MACROD2: variants seen among roughly 807,000 people sequenced by gnomAD.
The protein encoded by MACROD2 is ADP-ribose glycohydrolase MACROD2.
A neutral mutation model predicts 70.4 loss-of-function variants in MACROD2; 36 were observed. That is an observed-to-expected ratio of 0.51 (90% CI 0.39 to 0.68). The LOEUF is 0.68. Ranked by LOEUF, MACROD2 falls within the 30% of genes least tolerant of loss-of-function variation. The pLI is 0.00. For synonymous variants in MACROD2, 172 were observed against 178.8 expected (o/e 0.96, Z 0.30); for missense variants, 496 against 538.4 (o/e 0.92, Z 0.78).
rs145248350 is a variant in MACROD2 at position 14,830,080 on chromosome 20, A to T, written c.418+145121A>T. Among the ~76,000 whole-genome samples the T allele has an allele frequency of 1.9e-3, 292 of 152,242 alleles. 2 individuals carry two copies. Among genetic ancestry groups the T allele is most frequent in the African/African-American group, 6.5e-3 (269 of 41,550 alleles). The stretch of plus-strand genomic sequence containing the variant: ...AAAAAATGATTCATAACCATTGTTG[A>T]TGCAAATATTACTACTTAAGATGCA... On this transcript the variant is annotated intron_variant, in intron 5 of 17. Coordinates refer to ENST00000684519, the MANE Select transcript of MACROD2 (RefSeq NM_001351661.2).
intron 8 of MACROD2, among the ~76,000 whole-genome samples, chr20:15,592,242 C>T (rs181651559): frequency 3.3e-3 from 498 of 152,324 alleles, no homozygotes; most frequent in Middle Eastern, 6.8e-3. Flanking sequence ...TCAAGTATTT[C>T]GATCCTGGTA....
intron 6 of MACROD2, among the ~76,000 whole-genome samples, chr20:15,361,699 T>G (rs960619525): frequency 6.6e-6 from 1 of 152,210 alleles, no homozygotes; most frequent in African/African-American, 2.4e-5. Flanking sequence ...CACAGTATGC[T>G]TCTTCTGTTT....
chr20:15,929,117 G>A (rs910947732), intron 10 of MACROD2, among the ~76,000 whole-genome samples: 1 of 152,144 alleles, frequency 6.6e-6, no homozygotes, highest in Non-Finnish European at 1.5e-5. Context: ...CTATGGTTCA[G>A]CTGATGTAGG....
intron 3 of MACROD2, among the ~76,000 whole-genome samples, chr20:14,157,768 G>T (rs996620249): frequency 1.3e-5 from 2 of 152,002 alleles, no homozygotes; most frequent in Non-Finnish European, 2.9e-5. Context: ...TTCATTCTTT[G>T]TTATAGCCAA....
chr20:14,119,029 G>C (rs1393628530), intron 3 of MACROD2, among the ~76,000 whole-genome samples: 1 of 151,256 alleles, frequency 6.6e-6, no homozygotes, highest in Non-Finnish European at 1.5e-5. Context: ...TATTTTTTTA[G>C]TAGAGAAGGG....
At chr20:16,009,014 A>G (rs973527417) in intron 15 of MACROD2, among the ~76,000 whole-genome samples, 1 of 151,848 alleles carries the variant, frequency 6.6e-6, no homozygotes, top group African/African-American at 2.4e-5. Flanking sequence ...GAAGAGATGC[A>G]GCTGATCAAG....
chr20:14,611,790 GTAT>G (rs1983187876), intron 4 of MACROD2, among the ~76,000 whole-genome samples: 1 of 151,988 alleles, frequency 6.6e-6, no homozygotes, highest in Non-Finnish European at 1.5e-5. Flanking sequence ...TGAAACTATA[GTAT>G]TATGACTGAA....
At chr20:14,307,044 C>CAT (rs2122505893) in intron 3 of MACROD2, among the ~76,000 whole-genome samples, 1 of 140,598 alleles carries the variant, frequency 7.1e-6, no homozygotes, top group African/African-American at 2.6e-5. Context: ...CACACACACA[C>CAT]ACAATTGACT....
chr20:14,137,067 A>G (rs2054807820), intron 3 of MACROD2, among the ~76,000 whole-genome samples: 1 of 152,124 alleles, frequency 6.6e-6, no homozygotes, highest in Admixed American at 6.5e-5. Flanking sequence ...GCTTACTACA[A>G]AAAGGGGATA....
chr20:15,955,817 A>T (rs1210741791), intron 12 of MACROD2, among the ~76,000 whole-genome samples: 1 of 152,206 alleles, frequency 6.6e-6, no homozygotes, highest in African/African-American at 2.4e-5. Context: ...AAAATTATTG[A>T]TACATGCATC....
At chr20:15,466,858 A>G (rs1307463364) in intron 7 of MACROD2, among the ~76,000 whole-genome samples, 3 of 152,206 alleles carry the variant, frequency 2.0e-5, no homozygotes, top group African/African-American at 2.4e-5. Context: ...GTTTCCCTAG[A>G]GCCTATAAAA....
chr20:14,242,191 A>G (rs1218999146), intron 3 of MACROD2, among the ~76,000 whole-genome samples: 1 of 152,176 alleles, frequency 6.6e-6, no homozygotes, highest in African/African-American at 2.4e-5. Context: ...TCAGTTGTCT[A>G]ATTTAAAATG....
chr20:15,301,347 A>G (rs1018870547), intron 6 of MACROD2, among the ~76,000 whole-genome samples: 3 of 152,316 alleles, frequency 2.0e-5, no homozygotes, highest in Admixed American at 6.5e-5. Context: ...GAGACAGAAG[A>G]GTGAGCCAGC....
chr20:14,106,664 C>A (rs1368004505), intron 3 of MACROD2, among the ~76,000 whole-genome samples: 1 of 152,102 alleles, frequency 6.6e-6, no homozygotes, highest in Admixed American at 6.5e-5. Flanking sequence ...CCAGCATTGT[C>A]CCAGTGGTGG....
At chr20:14,721,000 A>G (rs2071461680) in intron 5 of MACROD2, among the ~76,000 whole-genome samples, 1 of 152,098 alleles carries the variant, frequency 6.6e-6, no homozygotes, top group African/African-American at 2.4e-5. Context: ...CAAGCCTGTA[A>G]TCCCAGCACT....
intron 5 of MACROD2, among the ~76,000 whole-genome samples, chr20:15,157,359 A>ACCCCCCCCCCCCCCCC (rs1568606906): frequency 8.7e-6 from 1 of 115,302 alleles, no homozygotes; most frequent in Non-Finnish European, 1.9e-5. Flanking sequence ...ACCCCCCCCC[A>ACCCCCCCCCCCCCCCC]CCTCCCCCCC....
intron 4 of MACROD2, among the ~76,000 whole-genome samples, chr20:14,550,922 A>C (rs1480173862): frequency 6.6e-6 from 1 of 151,718 alleles, no homozygotes; most frequent in Non-Finnish European, 1.5e-5. Context: ...CTGCTTCCTC[A>C]TGAATTTCAT....
chr20:15,451,423 A>AAAT (rs1300158140), intron 7 of MACROD2, among the ~76,000 whole-genome samples: 7 of 127,894 alleles, frequency 5.5e-5, no homozygotes, highest in Non-Finnish European at 1.0e-4. Flanking sequence ...TAAATAAAAA[A>AAAT]AAAAAAAAAA....
At chr20:14,095,432 C>G (rs1025892864) in intron 3 of MACROD2, among the ~76,000 whole-genome samples, 7 of 152,010 alleles carry the variant, frequency 4.6e-5, no homozygotes, top group Non-Finnish European at 1.0e-4. Flanking sequence ...GTATTGAGAG[C>G]TAAATGTGCT....
Sources: gnomAD v4.1 joint callset for allele counts (sites outside exome capture counted in the v4.1 genomes callset) on GRCh38, gnomAD v4.1.1 for gene constraint, MANE v1.5 for transcripts, NCBI Gene and HGNC (gene_info 2026-07-23, HGNC 2026-07-21) for gene names.